ARHGEF26: variants seen among roughly 807,000 people sequenced by gnomAD.
ARHGEF26 encodes Rho guanine nucleotide exchange factor (GEF) 26.
ARHGEF26 carries 59 observed loss-of-function variants against 89.4 expected under a neutral mutation model. The ratio of observed to expected loss-of-function variants is 0.66; its 90% CI spans 0.54 to 0.82. ARHGEF26 has a LOEUF of 0.82. Ranked by LOEUF, ARHGEF26 falls within the 40% of genes least tolerant of loss-of-function variation. The probability of loss-of-function intolerance (pLI) is 0.00; values close to 1 mark genes in which losing one functional copy is unlikely to be tolerated. For missense variants in ARHGEF26, 1,234 were observed against 1,085.6 expected, an observed-to-expected ratio of 1.14 and a Z score of -1.92; for synonymous variants, 500 against 428.4, an observed-to-expected ratio of 1.17 and a Z score of -2.06.
chr3:154,210,946 C>G (rs1378284558), intron 9 of ARHGEF26, among the ~76,000 whole-genome samples: 1 of 139,652 alleles, frequency 7.2e-6, no homozygotes, highest in Non-Finnish European at 1.6e-5. Context: ...GTCCCCCCAC[C>G]AAAAAAAAAA....
upstream of ARHGEF26, chr3:154,121,187 A>G (rs1248024674): frequency 1.3e-5 from 2 of 152,318 alleles, no homozygotes; most frequent in Admixed American, 1.3e-4. Context: ...CTCAGCTACT[A>G]GTCCGCAACT....
At chr3:154,147,073 C>G (rs1414306006) in intron 4 of ARHGEF26, among the ~76,000 whole-genome samples, 2 of 152,154 alleles carry the variant, frequency 1.3e-5, no homozygotes, top group Non-Finnish European at 2.9e-5. Flanking sequence ...TCTACATGTT[C>G]CCATTTGTAC....
chr3:154,165,736 G>A (rs1559872501), intron 6 of ARHGEF26, among the ~76,000 whole-genome samples: 1 of 152,276 alleles, frequency 6.6e-6, no homozygotes, highest in South Asian at 2.1e-4. Context: ...CCATCAGCAT[G>A]GAACTAATGT....
chr3:154,170,392 C>G (rs1479439360), intron 6 of ARHGEF26, among the ~76,000 whole-genome samples: 1 of 152,046 alleles, frequency 6.6e-6, no homozygotes, highest in Non-Finnish European at 1.5e-5. Context: ...AAAAAACAAA[C>G]AAACCCATGA....
At chr3:154,233,547 G>A (rs1457559942) in intron 11 of ARHGEF26, among the ~76,000 whole-genome samples, 1 of 152,206 alleles carries the variant, frequency 6.6e-6, no homozygotes, top group Admixed American at 6.5e-5. Context: ...GTGTATCAGT[G>A]CTACTGGGGG....
chr3:154,155,719 C>T (rs1044932054), intron 6 of ARHGEF26, among the ~76,000 whole-genome samples: 2 of 147,276 alleles, frequency 1.4e-5, no homozygotes, highest in African/African-American at 2.5e-5. Flanking sequence ...AATAGACTGC[C>T]CTCAGTGAAC....
intron 6 of ARHGEF26, among the ~76,000 whole-genome samples, chr3:154,169,816 T>C (rs373343258): frequency 1.3e-5 from 2 of 152,172 alleles, no homozygotes; most frequent in South Asian, 2.1e-4. Context: ...AACAAAGTTA[T>C]GTATTGATCA....
At chr3:154,158,227 C>T (rs961495748) in intron 6 of ARHGEF26, among the ~76,000 whole-genome samples, 3 of 152,202 alleles carry the variant, frequency 2.0e-5, no homozygotes, top group East Asian at 3.9e-4. Context: ...ATTTAAGGAG[C>T]CTGTGGGTTG....
chr3:154,254,632 C>A, intron 13 of ARHGEF26, 88 bp from the exon 14 acceptor site: 1 of 1,001,506 alleles, frequency 1.0e-6, no homozygotes, highest in Non-Finnish European at 1.5e-6. Flanking sequence ...CCCTGAATTG[C>A]AGAGAAAAAT....
intron 9 of ARHGEF26, among the ~76,000 whole-genome samples, chr3:154,210,357 A>G (rs898079623): frequency 4.6e-5 from 7 of 152,102 alleles, no homozygotes; most frequent in Non-Finnish European, 7.4e-5. Context: ...TTCAGTTAGC[A>G]GGTATTGAAT....
At chr3:154,137,550 A>G (rs1010606594) in intron 4 of ARHGEF26, among the ~76,000 whole-genome samples, 3 of 152,210 alleles carry the variant, frequency 2.0e-5, no homozygotes, top group Non-Finnish European at 4.4e-5. Context: ...GTGGGGGACT[A>G]CTTAGCTTGG....
At chr3:154,197,777 T>C (rs1333621069) in intron 9 of ARHGEF26, among the ~76,000 whole-genome samples, 1 of 152,162 alleles carries the variant, frequency 6.6e-6, no homozygotes, top group East Asian at 1.9e-4. Flanking sequence ...TGATTTTCTG[T>C]TAACATGCTG....
chr3:154,201,609 C>T (rs566863529), intron 9 of ARHGEF26, among the ~76,000 whole-genome samples: 333 of 152,018 alleles, frequency 2.2e-3, no homozygotes, highest in African/African-American at 7.8e-3. Flanking sequence ...AACTAGTTTA[C>T]AGTCCCACCA....
chr3:154,190,369 C>T (rs1387548889), intron 7 of ARHGEF26, among the ~76,000 whole-genome samples: 1 of 152,116 alleles, frequency 6.6e-6, no homozygotes, highest in Non-Finnish European at 1.5e-5. Flanking sequence ...ATTAGCTGGG[C>T]GTCATGGCAC....
intron 3 of ARHGEF26, among the ~76,000 whole-genome samples, chr3:154,128,653 T>C (rs927517496): frequency 6.6e-6 from 1 of 152,202 alleles, no homozygotes; most frequent in African/African-American, 2.4e-5. Context: ...GCCCCAGGGC[T>C]TTGCACTTGC....
intron 9 of ARHGEF26, among the ~76,000 whole-genome samples, chr3:154,217,043 T>A (rs1715805900): frequency 6.7e-6 from 1 of 149,972 alleles, no homozygotes; most frequent in South Asian, 2.1e-4. Flanking sequence ...CCTTTGGGTA[T>A]ATACCCAGTA....
intron 6 of ARHGEF26, among the ~76,000 whole-genome samples, chr3:154,186,465 A>C (rs1713559652): frequency 6.6e-6 from 1 of 152,142 alleles, no homozygotes; most frequent in Admixed American, 6.5e-5. Context: ...TTATACACTA[A>C]ATCTGGTAAC....
At position 154,255,405 on chromosome 3, in the gene ARHGEF26, T is replaced by G; in HGVS notation, c.2548T>G (p.Cys850Gly). 1.2e-6 allele frequency: 2 copies of G among 1,613,700 alleles called. No individual in the cohort carries two copies. Among genetic ancestry groups the G allele is most frequent in the Non-Finnish European group, 1.7e-6 (2 of 1,179,840 alleles). The change falls in exon 15 of 15, where the codon TGT becomes GGT. Residue 850 changes from cysteine to glycine, a missense_variant. Coordinates refer to ENST00000465093, the MANE Select transcript of ARHGEF26 (RefSeq NM_015595.4). ...TATGGAATGTGCCAAGGAGATAACA[T>G]GTCAAGCTACAATTGATAAGAATGT... Reference protein sequence around the residue: ...FPMECAKEITCQATIDKNVER... With the variant: ...FPMECAKEITGQATIDKNVER...
chr3:154,187,237 AT>A, intron 6 of ARHGEF26: 1 of 982,272 alleles, frequency 1.0e-6, no homozygotes, highest in Non-Finnish European at 1.2e-6. Flanking sequence ...TTGCTCATGT[AT>A]TTTTCCATAC....
Sources: allele counts gnomAD v4.1 joint callset (sites outside exome capture counted in the v4.1 genomes callset), GRCh38; gene constraint gnomAD v4.1.1; transcripts MANE v1.5; gene names NCBI Gene and HGNC (gene_info 2026-07-23, HGNC 2026-07-21).